L3MBTL4: variants seen among roughly 807,000 people sequenced by gnomAD.
The protein encoded by L3MBTL4 is lethal(3)malignant brain tumor-like protein 4.
In L3MBTL4, 70 loss-of-function variants were observed where a neutral mutation model predicts 84.5. The observed-to-expected ratio is 0.83, with a 90% CI of 0.68 to 1.01. The LOEUF is 1.01. Among genes scored for constraint, L3MBTL4 ranks in the 50% least tolerant of loss-of-function variants. L3MBTL4 has a pLI of 0.00. For synonymous variants in L3MBTL4, 274 were observed against 259.8 expected (o/e 1.05, Z -0.52); for missense variants, 715 against 754.8 (o/e 0.95, Z 0.62).
intron 1 of L3MBTL4, among the ~76,000 whole-genome samples, chr18:6,320,478 C>G (rs1247026691): frequency 6.6e-6 from 1 of 152,000 alleles, no homozygotes; most frequent in African/African-American, 2.4e-5. Context: ...TATACACAAA[C>G]AATGACCAAG....
chr18:6,118,292 G>T (rs1186867885), intron 14 of L3MBTL4, among the ~76,000 whole-genome samples: 1 of 150,514 alleles, frequency 6.6e-6, no homozygotes, highest in Non-Finnish European at 1.5e-5. Flanking sequence ...CCCTTTGTTT[G>T]GTTAACTCTT....
intron 1 of L3MBTL4, among the ~76,000 whole-genome samples, chr18:6,329,151 C>CT (rs992694853): frequency 0.013 from 1,697 of 126,464 alleles, 23 homozygotes; most frequent in African/African-American, 0.03. Context: ...TTTTTCTTTT[C>CT]TTTTTTTTTT....
chr18:6,204,799 C>T (rs557915864), intron 12 of L3MBTL4, among the ~76,000 whole-genome samples: 144 of 152,338 alleles, frequency 9.5e-4, no homozygotes, highest in African/African-American at 3.4e-3. Context: ...AACTGTCACA[C>T]TATCCTTGCT....
chr18:6,200,017 T>A (rs2045583802), intron 12 of L3MBTL4, among the ~76,000 whole-genome samples: 1 of 152,088 alleles, frequency 6.6e-6, no homozygotes, highest in South Asian at 2.1e-4. Context: ...AGGAGGAAGC[T>A]GCCAGCAGAA....
intron 1 of L3MBTL4, among the ~76,000 whole-genome samples, chr18:6,338,418 T>C (rs1211662292): frequency 6.6e-6 from 1 of 151,970 alleles, no homozygotes; most frequent in Non-Finnish European, 1.5e-5. Flanking sequence ...AGAATTAATA[T>C]CCATATCAAC....
intron 13 of L3MBTL4, among the ~76,000 whole-genome samples, chr18:6,145,214 T>C (rs1568196582): frequency 6.6e-6 from 1 of 152,046 alleles, no homozygotes. Context: ...CTCTAGAAAA[T>C]GAAAAAGGGA....
intron 16 of L3MBTL4, among the ~76,000 whole-genome samples, chr18:6,071,747 A>AAG (rs1382772624): frequency 7.4e-4 from 63 of 84,730 alleles, no homozygotes; most frequent in African/African-American, 2.2e-3. Flanking sequence ...GAAGGAAGGA[A>AAG]AGAAAGAAAG....
intron 10 of L3MBTL4, among the ~76,000 whole-genome samples, chr18:6,226,690 G>A (rs888955963): frequency 4.6e-5 from 7 of 152,084 alleles, no homozygotes; most frequent in African/African-American, 9.7e-5. Flanking sequence ...AGTAGACTGC[G>A]ATAATAGGTA....
Position 5,955,416 on chromosome 18 carries a change from G to A in L3MBTL4, c.*804C>T, listed in dbSNP as rs1599549908. Reference sequence around the variant, plus strand: ...AAACGCCCTTCAGAGTGGGAGCAGGGAGGAGTTCTGTGCAGGTGAGCGTCT... The same window carrying A: ...AAACGCCCTTCAGAGTGGGAGCAGGAAGGAGTTCTGTGCAGGTGAGCGTCT... On this transcript the variant is annotated 3_prime_UTR_variant, in exon 19 of 19. Transcript: ENST00000317931. 6.6e-6 allele frequency: 1 copy of A among 152,532 alleles called. No individual in the cohort carries two copies. Among genetic ancestry groups the A allele is most frequent in the African/African-American group, 2.4e-5 (1 of 41,564 alleles). The allele number at this position is 152,532 out of a possible 1,614,324, so 9.4% of individuals were successfully genotyped here.
intron 3 of L3MBTL4, among the ~76,000 whole-genome samples, chr18:6,305,675 A>C (rs1016608186): frequency 6.6e-6 from 1 of 152,194 alleles, no homozygotes; most frequent in Non-Finnish European, 1.5e-5. Context: ...ACATAAAATA[A>C]GTCTTTGCTA....
Position 6,056,628 on chromosome 18 carries a change from C to G in L3MBTL4, c.1444+24253G>C, listed in dbSNP as rs603204. Among the ~76,000 whole-genome samples, 944 of 152,274 alleles carry G rather than the reference C, an allele frequency of 6.2e-3. 9 individuals are homozygous for G. The highest frequency in any genetic ancestry group is 0.021 in the African/African-American group (861 of 41,556). ...ACTCAGGCCCACCCCCAGGGCTCAG[C>G]CACAAAGCGAGTTTGTGGCTGGGCT... On this transcript the variant is annotated intron_variant, in intron 16 of 18. Transcript: ENST00000317931.
chr18:6,116,943 T>A (rs2059377689), intron 14 of L3MBTL4, among the ~76,000 whole-genome samples: 1 of 152,228 alleles, frequency 6.6e-6, no homozygotes, highest in Admixed American at 6.5e-5. Context: ...TATGCATGTA[T>A]CCCTATGCAA....
intron 16 of L3MBTL4, among the ~76,000 whole-genome samples, chr18:5,978,754 A>G (rs1463287156): frequency 6.6e-6 from 1 of 152,146 alleles, no homozygotes; most frequent in Non-Finnish European, 1.5e-5. Flanking sequence ...TTTAATTCCA[A>G]CAGTAGATGT....
chr18:6,029,952 C>T (rs558437278), intron 16 of L3MBTL4: 213 of 985,288 alleles, frequency 2.2e-4, no homozygotes, highest in Non-Finnish European at 2.5e-4. Context: ...CTGACACCTA[C>T]AGAAGACACT....
chr18:6,013,964 G>A (rs1315561595), intron 16 of L3MBTL4, among the ~76,000 whole-genome samples: 1 of 152,194 alleles, frequency 6.6e-6, no homozygotes, highest in African/African-American at 2.4e-5. Context: ...GCCACTCTGA[G>A]GGCAGGCAGC....
chr18:6,386,409 T>C (rs1423785547), intron 1 of L3MBTL4, among the ~76,000 whole-genome samples: 3 of 151,978 alleles, frequency 2.0e-5, no homozygotes, highest in East Asian at 3.9e-4. Context: ...ATTCTTTTCA[T>C]GCATTCGCCA....
chr18:6,307,418 A>G (rs1265720425), intron 3 of L3MBTL4, among the ~76,000 whole-genome samples: 1 of 146,590 alleles, frequency 6.8e-6, no homozygotes, highest in East Asian at 2.0e-4. Flanking sequence ...GCCTGGTGAC[A>G]GAGCAAGACT....
intron 10 of L3MBTL4, among the ~76,000 whole-genome samples, chr18:6,232,054 G>C (rs188946922): frequency 3.4e-4 from 51 of 152,228 alleles, no homozygotes; most frequent in Admixed American, 2.2e-3. Context: ...TGCTGAGGTA[G>C]TTCCCTTCTG....
At chr18:6,289,059 T>C (rs2049724286) in intron 4 of L3MBTL4, among the ~76,000 whole-genome samples, 1 of 151,968 alleles carries the variant, frequency 6.6e-6, no homozygotes, top group Non-Finnish European at 1.5e-5. Context: ...TCTTATATAG[T>C]AAGTTGTTGT....
Sources: gnomAD v4.1 joint callset for allele counts (sites outside exome capture counted in the v4.1 genomes callset) on GRCh38, gnomAD v4.1.1 for gene constraint, MANE v1.5 for transcripts, NCBI Gene and HGNC (gene_info 2026-07-23, HGNC 2026-07-21) for gene names.